The following GLIS3 variants were observed in gnomAD, a reference collection of about 807,000 sequenced individuals.
GLIS3 encodes zinc finger protein GLIS3.
A neutral mutation model predicts 78.6 loss-of-function variants in GLIS3; 53 were observed. That is an observed-to-expected ratio of 0.67 (90% CI 0.54 to 0.85). GLIS3 has a LOEUF of 0.85. GLIS3 is among the 40% of genes least tolerant of loss of function. The pLI is 0.00. For synonymous variants in GLIS3, 684 were observed against 509.9 expected (o/e 1.34, Z -4.60); for missense variants, 1,703 against 1,231.1 (o/e 1.38, Z -5.74).
intron 2 of GLIS3, among the ~76,000 whole-genome samples, chr9:4,131,278 G>C (rs192812005): frequency 6.6e-6 from 1 of 152,166 alleles, no homozygotes; most frequent in South Asian, 2.1e-4. Context: ...GCTGGAATGA[G>C]TTAAGACTTT....
intron 2 of GLIS3, among the ~76,000 whole-genome samples, chr9:4,134,658 T>C (rs1433606146): frequency 6.6e-6 from 1 of 152,234 alleles, no homozygotes; most frequent in African/African-American, 2.4e-5. Flanking sequence ...AATGATATTT[T>C]TAGTAATGCA....
chr9:3,922,787 G>T (rs916161869), intron 6 of GLIS3, among the ~76,000 whole-genome samples: 1 of 152,076 alleles, frequency 6.6e-6, no homozygotes, highest in African/African-American at 2.4e-5. Flanking sequence ...AGAAAGAGAT[G>T]CATATCTCAA....
At chr9:4,446,875 A>G in the GLIS3 span, among the ~76,000 whole-genome samples, 1 of 151,662 alleles carries the variant, frequency 6.6e-6, no homozygotes, top group Non-Finnish European at 1.5e-5. Flanking sequence ...TCTTTAGCTC[A>G]CTTCCTACCT....
chr9:4,489,550 A>T, the GLIS3 span, among the ~76,000 whole-genome samples: 1 of 152,024 alleles, frequency 6.6e-6, no homozygotes, highest in Non-Finnish European at 1.5e-5. Flanking sequence ...TATACGTGAG[A>T]GTGAAAAAAT....
chr9:4,024,929 G>A (rs1209784933), intron 4 of GLIS3, among the ~76,000 whole-genome samples: 1 of 152,078 alleles, frequency 6.6e-6, no homozygotes, highest in Non-Finnish European at 1.5e-5. Context: ...TCGATCCCTA[G>A]CACTTAAGCA....
the GLIS3 span, among the ~76,000 whole-genome samples, chr9:4,360,314 G>A: frequency 6.6e-6 from 1 of 152,122 alleles, no homozygotes; most frequent in Non-Finnish European, 1.5e-5. Flanking sequence ...ACTATGTTTG[G>A]TCATTAGGAG....
the GLIS3 span, among the ~76,000 whole-genome samples, chr9:4,381,488 G>T: frequency 6.6e-6 from 1 of 152,154 alleles, no homozygotes; most frequent in Non-Finnish European, 1.5e-5. Flanking sequence ...GTTAACACAG[G>T]AAAAGATAAG....
chr9:4,313,411 T>A (rs182884094), intron 2 of GLIS3, among the ~76,000 whole-genome samples: 37 of 152,272 alleles, frequency 2.4e-4, no homozygotes, highest in African/African-American at 8.7e-4. Flanking sequence ...GTTTCTGGCA[T>A]CAGCTTCCAT....
chr9:3,999,128 C>T (rs1820951894), intron 4 of GLIS3, among the ~76,000 whole-genome samples: 1 of 152,142 alleles, frequency 6.6e-6, no homozygotes. Context: ...CATAATTTTA[C>T]AGCTTCATAG....
Position 4,123,909 on chromosome 9 carries a change from C to T in GLIS3, c.596+1825G>A, listed in dbSNP as rs538539208. 3 of 396,414 alleles carry T rather than the reference C, an allele frequency of 7.6e-6. No homozygotes were observed. In the East Asian group the frequency reaches 1.1e-4, roughly 14 times the overall value. 24.6% of individuals were successfully genotyped at this position (396,414 alleles called of 1,614,324 possible). A position where few individuals can be genotyped will look rare whatever the true frequency, so the allele number is the denominator to read the frequency against. Reference sequence around the variant, plus strand: ...CATTTTGCAGCTTTTCATAGGGCAGCATCTCTCAAACTGGACAGTTCATGC... The same window carrying T: ...CATTTTGCAGCTTTTCATAGGGCAGTATCTCTCAAACTGGACAGTTCATGC... On this transcript the variant is annotated intron_variant, in intron 3 of 10. Transcript: ENST00000381971.
intron 2 of GLIS3, among the ~76,000 whole-genome samples, chr9:4,341,933 T>C (rs1817839007): frequency 6.6e-6 from 1 of 152,220 alleles, no homozygotes. Context: ...TTTGCCCATC[T>C]TTTAATGGGG....
chr9:4,262,950 A>T (rs1445750187), intron 2 of GLIS3, among the ~76,000 whole-genome samples: 1 of 151,986 alleles, frequency 6.6e-6, no homozygotes, highest in Non-Finnish European at 1.5e-5. Flanking sequence ...AAAAAAAAAA[A>T]AAAAAATCCC....
At chr9:4,077,495 A>G (rs1588617018) in intron 4 of GLIS3, among the ~76,000 whole-genome samples, 1 of 152,160 alleles carries the variant, frequency 6.6e-6, no homozygotes, top group East Asian at 1.9e-4. Context: ...AAGGAAAGAG[A>G]TTTTGTTTTT....
intron 2 of GLIS3, among the ~76,000 whole-genome samples, chr9:4,137,719 T>C (rs562828616): frequency 6.6e-6 from 1 of 152,320 alleles, no homozygotes; most frequent in South Asian, 2.1e-4. Context: ...AACTAATTAG[T>C]AGAGAGTGCT....
chr9:3,897,265 A>G (rs1025757407), intron 7 of GLIS3, among the ~76,000 whole-genome samples: 4 of 152,138 alleles, frequency 2.6e-5, no homozygotes, highest in African/African-American at 7.2e-5. Flanking sequence ...ACTGTTGACT[A>G]TTGGGTTCCA....
At chr9:4,333,330 A>C (rs1349824143) in intron 2 of GLIS3, among the ~76,000 whole-genome samples, 1 of 151,798 alleles carries the variant, frequency 6.6e-6, no homozygotes, top group East Asian at 1.9e-4. Flanking sequence ...GGGGAAGGGA[A>C]GGAAAGGAAA....
intron 2 of GLIS3, among the ~76,000 whole-genome samples, chr9:4,259,239 CATTTCATTT>C (rs1015169911): frequency 3.9e-5 from 3 of 76,398 alleles, no homozygotes; most frequent in Admixed American, 1.7e-4. Context: ...TCCAGTTGCT[CATTTCATTT>C]ATTTATTTAT....
intron 4 of GLIS3, among the ~76,000 whole-genome samples, chr9:3,994,202 C>T (rs1464698124): frequency 6.6e-6 from 1 of 152,186 alleles, no homozygotes; most frequent in African/African-American, 2.4e-5. Context: ...AAAAAAGCAC[C>T]TGTTGGATCT....
At chr9:3,887,657 A>G (rs1014672457) in intron 7 of GLIS3, among the ~76,000 whole-genome samples, 1 of 152,208 alleles carries the variant, frequency 6.6e-6, no homozygotes, top group African/African-American at 2.4e-5. Flanking sequence ...GGAAGAGGAT[A>G]CAGGTTTATA....
Sources: gnomAD v4.1 joint callset for allele counts (sites outside exome capture counted in the v4.1 genomes callset) on GRCh38, gnomAD v4.1.1 for gene constraint, MANE v1.5 for transcripts, NCBI Gene and HGNC (gene_info 2026-07-23, HGNC 2026-07-21) for gene names.